Variants in PARVA observed in about 807,000 individuals in gnomAD.
PARVA encodes alpha-parvin.
In PARVA, 25 loss-of-function variants were observed where a neutral mutation model predicts 52.6. The observed-to-expected ratio is 0.48, with a 90% CI of 0.35 to 0.66. The LOEUF is 0.66. PARVA is among the 30% of genes least tolerant of loss of function. The pLI, the probability that PARVA is intolerant of heterozygous loss-of-function variation, is 0.01. For synonymous variants in PARVA, 185 were observed against 179.1 expected, an observed-to-expected ratio of 1.03 and a Z score of -0.26; for missense variants, 373 against 450.9, an observed-to-expected ratio of 0.83 and a Z score of 1.56.
intron 1 of PARVA, among the ~76,000 whole-genome samples, chr11:12,403,118 C>A (rs779928038): frequency 5.3e-5 from 8 of 152,226 alleles, no homozygotes; most frequent in Non-Finnish European, 1.0e-4. Context: ...AGGGCCTGTC[C>A]CCTCTTCTCA....
intron 4 of PARVA, among the ~76,000 whole-genome samples, chr11:12,486,315 C>T (rs1199321692): frequency 6.6e-6 from 1 of 152,156 alleles, no homozygotes; most frequent in Non-Finnish European, 1.5e-5. Context: ...GGGTGGATCA[C>T]CTGAGGTCGG....
intron 1 of PARVA, among the ~76,000 whole-genome samples, chr11:12,456,117 T>C (rs767303070): frequency 2.0e-5 from 3 of 152,222 alleles, no homozygotes; most frequent in Non-Finnish European, 4.4e-5. Context: ...GCCAAGTCAT[T>C]CTTATTCCAC....
chr11:12,527,261 G>A (rs1192756663), intron 12 of PARVA, among the ~76,000 whole-genome samples: 1 of 151,350 alleles, frequency 6.6e-6, no homozygotes, highest in Non-Finnish European at 1.5e-5. Flanking sequence ...AAGAAGGGAG[G>A]AATAGAGGGA....
chr11:12,430,183 G>C (rs1341408233), intron 1 of PARVA, among the ~76,000 whole-genome samples: 1 of 152,178 alleles, frequency 6.6e-6, no homozygotes, highest in Non-Finnish European at 1.5e-5. Context: ...GAATTGGGAA[G>C]AGCAGCACAC....
chr11:12,377,848 C>G (rs1430322392), intron 1 of PARVA, 65 bp downstream of exon 1: 6 of 1,286,574 alleles, frequency 4.7e-6, no homozygotes, highest in Non-Finnish European at 6.1e-6. Context: ...GCCGAGGGGC[C>G]GGGGCACTGG....
At chr11:12,459,513 T>C (rs1464816896) in intron 1 of PARVA, among the ~76,000 whole-genome samples, 1 of 152,142 alleles carries the variant, frequency 6.6e-6, no homozygotes, top group Non-Finnish European at 1.5e-5. Flanking sequence ...CCACATTCCT[T>C]GCTGGTCTGC....
chr11:12,429,861 T>G (rs928298831), intron 1 of PARVA, among the ~76,000 whole-genome samples: 1 of 152,216 alleles, frequency 6.6e-6, no homozygotes, highest in African/African-American at 2.4e-5. Context: ...TGAAACCTCT[T>G]TCAGCTTCAG....
intron 1 of PARVA, among the ~76,000 whole-genome samples, chr11:12,384,116 T>G (rs1056462199): frequency 2.6e-5 from 4 of 152,158 alleles, no homozygotes; most frequent in Non-Finnish European, 5.9e-5. Context: ...TCTTTCAGCT[T>G]CCTCCCAGAC....
chr11:12,517,313 AC>A (rs1405572031), intron 10 of PARVA, among the ~76,000 whole-genome samples: 34 of 66,236 alleles, frequency 5.1e-4, no homozygotes, highest in Admixed American at 9.4e-4. Context: ...ACCACCCCCC[AC>A]CCCCCACCCC....
In PARVA at chr11:12,534,351, C is replaced by T. The variant is rs1168072751; in HGVS notation, c.*6426C>T. On this transcript the variant is annotated 3_prime_UTR_variant, in exon 13 of 13. Transcript: ENST00000334956. ...AAACCAGTCCAGTGGGTGACTGGCC[C>T]AGAATGATGCTTCTCCTCGGTGGAC... 6.6e-6 allele frequency among the ~76,000 whole-genome samples: 1 copy of T among 152,112 alleles called. No homozygotes were observed. Among genetic ancestry groups the T allele is most frequent in the Non-Finnish European group, 1.5e-5 (1 of 68,014 alleles).
chr11:12,504,774 G>GTGTGTGT (rs1941413270), intron 6 of PARVA, among the ~76,000 whole-genome samples: 8 of 149,346 alleles, frequency 5.4e-5, no homozygotes, highest in South Asian at 4.3e-4. Context: ...AAGGTATGTG[G>GTGTGTGT]GTGTGTGTGT....
intron 1 of PARVA, among the ~76,000 whole-genome samples, chr11:12,468,915 C>A (rs1342693991): frequency 2.0e-5 from 3 of 152,188 alleles, no homozygotes; most frequent in African/African-American, 7.2e-5. Context: ...TGTCACAGTT[C>A]ATTGACCAGA....
At chr11:12,518,923 GAGCTCTGCCTGCTCA>G (rs1941606222) in intron 12 of PARVA, among the ~76,000 whole-genome samples, 2 of 152,206 alleles carry the variant, frequency 1.3e-5, no homozygotes, top group African/African-American at 4.8e-5. Context: ...TACAGATGCG[GAGCTCTGCCTGCTCA>G]GACTCTGTCT....
chr11:12,468,290 G>A (rs1396172378), intron 1 of PARVA, among the ~76,000 whole-genome samples: 1 of 152,182 alleles, frequency 6.6e-6, no homozygotes, highest in African/African-American at 2.4e-5. Context: ...TGCTGGCATG[G>A]GGACTGCTTC....
In PARVA at chr11:12,488,600, A is replaced by G. The variant is rs1294260529; in HGVS notation, c.401-7858A>G. 3.3e-5 allele frequency among the ~76,000 whole-genome samples: 5 copies of G among 152,312 alleles called. No homozygotes were observed. The South Asian group carries it at 6.2e-4, about 19-fold the overall frequency. ...ATAGAGCCATGGTCTTGAAAGGGCA[A>G]CTCTTTCAATGAGTACAAAATTTGT... On this transcript the variant is annotated intron_variant, in intron 4 of 12. Coordinates refer to ENST00000334956, the MANE Select transcript of PARVA (RefSeq NM_018222.5).
intron 1 of PARVA, among the ~76,000 whole-genome samples, chr11:12,451,391 G>A (rs541030236): frequency 2.0e-5 from 3 of 151,820 alleles, no homozygotes; most frequent in East Asian, 3.9e-4. Flanking sequence ...CCTGCTGCTG[G>A]ATACTCACGT....
intron 1 of PARVA, among the ~76,000 whole-genome samples, chr11:12,445,873 CAG>C (rs1295498035): frequency 6.6e-6 from 1 of 152,134 alleles, no homozygotes; most frequent in Non-Finnish European, 1.5e-5. Flanking sequence ...ATTTTTGACT[CAG>C]AAAATATGGT....
chr11:12,388,035 T>C (rs1248716381), intron 1 of PARVA, among the ~76,000 whole-genome samples: 1 of 152,138 alleles, frequency 6.6e-6, no homozygotes, highest in Non-Finnish European at 1.5e-5. Context: ...CATCTCAGCT[T>C]CATTTCCTCA....
At chr11:12,516,146 G>A (rs2135081164) in intron 10 of PARVA, among the ~76,000 whole-genome samples, 1 of 152,346 alleles carries the variant, frequency 6.6e-6, no homozygotes, top group East Asian at 1.9e-4. Flanking sequence ...GCCAGAAGCT[G>A]CCTTTAAGGC....
Sources: allele counts gnomAD v4.1 joint callset (sites outside exome capture counted in the v4.1 genomes callset), GRCh38; gene constraint gnomAD v4.1.1; transcripts MANE v1.5; gene names NCBI Gene and HGNC (gene_info 2026-07-23, HGNC 2026-07-21).